The following RBFOX1 variants were observed in gnomAD, a reference collection of about 807,000 sequenced individuals.
RBFOX1 encodes RNA binding fox-1 homolog 1, also known as RNA binding protein fox-1 homolog 1.
A neutral mutation model predicts 57.7 loss-of-function variants in RBFOX1; 8 were observed. The ratio of observed to expected loss-of-function variants is 0.14; its 90% CI spans 0.08 to 0.25. The LOEUF is 0.25. Ranked by LOEUF, RBFOX1 falls within the 10% of genes least tolerant of loss-of-function variation. The pLI, the probability that RBFOX1 is intolerant of heterozygous loss-of-function variation, is 1.00. For missense variants in RBFOX1, 611 were observed against 548.5 expected (o/e 1.11, Z -1.14); for synonymous variants, 326 against 222.4 (o/e 1.47, Z -4.15).
At position 6,837,857 on chromosome 16, in the gene RBFOX1, G is replaced by A. The variant is rs571924146; in HGVS notation, c.-16+183207G>A. 7.9e-5 allele frequency among the ~76,000 whole-genome samples: 12 copies of A among 152,140 alleles called. No individual in the cohort carries two copies. The Middle Eastern group carries it at 0.017, about 216-fold the overall frequency. On this transcript the variant is annotated intron_variant, in intron 3 of 15. Coordinates refer to ENST00000550418, the MANE Select transcript of RBFOX1 (RefSeq NM_018723.4). ...ACTTCAGACCACATTGAAGACTGGC[G>A]GAAACTGAGAAGAGGCACTGAAAGC...
At chr16:5,394,557 C>T (rs1177608899) in intron 1 of RBFOX1, among the ~76,000 whole-genome samples, 5 of 143,800 alleles carry the variant, frequency 3.5e-5, no homozygotes, top group Non-Finnish European at 6.0e-5. Flanking sequence ...CTCTTCTTTT[C>T]TTTCTGTCTT....
chr16:7,530,015 A>AAAG (rs1472999951), intron 5 of RBFOX1, among the ~76,000 whole-genome samples: 1 of 151,600 alleles, frequency 6.6e-6, no homozygotes, highest in African/African-American at 2.4e-5. Flanking sequence ...TCTCAAAAAA[A>AAAG]AAAAAAAAAG....
rs1158685144 is a variant in RBFOX1, at chr16:6,351,366, A to ATT, written c.-64+34310_-64+34311insTT. Reference sequence around the variant, plus strand: ...TGTGTGTGTGTGTATATATATATATATATATATTTTTTTTTTTTTTTCTTG... The same window carrying ATT: ...TGTGTGTGTGTGTATATATATATATATTTATATATTTTTTTTTTTTTTTCTTG... On this transcript the variant is annotated intron_variant, in intron 2 of 15. Transcript: ENST00000550418. 1.9e-3 allele frequency among the ~76,000 whole-genome samples: 193 copies of ATT among 98,984 alleles called. 2 individuals carry two copies. Among genetic ancestry groups the ATT allele is most frequent in the African/African-American group, 2.5e-3 (51 of 20,614 alleles). 64.9% of individuals were successfully genotyped at this position (98,984 alleles called of 152,430 possible). A position where few individuals can be genotyped will look rare whatever the true frequency, so the allele number is the denominator to read the frequency against.
intron 3 of RBFOX1, among the ~76,000 whole-genome samples, chr16:6,744,143 G>A (rs1479135517): frequency 6.6e-6 from 1 of 151,910 alleles, no homozygotes; most frequent in Non-Finnish European, 1.5e-5. Flanking sequence ...GGATAAAGAA[G>A]GTAATTTCAC....
intron 2 of RBFOX1, among the ~76,000 whole-genome samples, chr16:6,480,967 A>C (rs1191706181): frequency 6.6e-6 from 1 of 152,154 alleles, no homozygotes; most frequent in Non-Finnish European, 1.5e-5. Context: ...CCACAACCCC[A>C]TCCTGTATCA....
intron 2 of RBFOX1, among the ~76,000 whole-genome samples, chr16:6,506,226 C>T (rs1165907782): frequency 1.3e-5 from 2 of 152,064 alleles, no homozygotes; most frequent in African/African-American, 4.8e-5. Context: ...AGGCAGAAGT[C>T]AGTGCTTCTG....
intron 3 of RBFOX1, among the ~76,000 whole-genome samples, chr16:5,632,956 T>TTTTTA (rs2048563852): frequency 1.3e-5 from 2 of 150,502 alleles, no homozygotes; most frequent in Non-Finnish European, 1.5e-5. Flanking sequence ...TTTTTTTTTT[T>TTTTTA]GAGGTGGAGT....
intron 3 of RBFOX1, among the ~76,000 whole-genome samples, chr16:6,880,942 A>C (rs909729321): frequency 1.3e-5 from 2 of 152,214 alleles, no homozygotes; most frequent in African/African-American, 4.8e-5. Flanking sequence ...ATGCTACATT[A>C]GGAGATTCAA....
chr16:6,520,229 A>T (rs983361976), intron 2 of RBFOX1, among the ~76,000 whole-genome samples: 2 of 152,212 alleles, frequency 1.3e-5, no homozygotes, highest in Non-Finnish European at 2.9e-5. Flanking sequence ...TAAAGAAAGG[A>T]TGTATTCAAA....
chr16:7,074,891 A>T (rs1178823748), intron 4 of RBFOX1, among the ~76,000 whole-genome samples: 1 of 152,180 alleles, frequency 6.6e-6, no homozygotes, highest in Admixed American at 6.5e-5. Flanking sequence ...AAGTTCTCTA[A>T]AGCCATCCCC....
intron 5 of RBFOX1, among the ~76,000 whole-genome samples, chr16:7,540,675 C>A (rs2082681435): frequency 6.6e-6 from 1 of 152,166 alleles, no homozygotes; most frequent in Non-Finnish European, 1.5e-5. Flanking sequence ...TCAGGCTTAA[C>A]CGTTAGTACT....
intron 4 of RBFOX1, among the ~76,000 whole-genome samples, chr16:7,279,978 C>T (rs1389795665): frequency 1.3e-5 from 2 of 152,220 alleles, no homozygotes; most frequent in Non-Finnish European, 1.5e-5. Flanking sequence ...GCCATATCAG[C>T]AGATGTTGCA....
intron 1 of RBFOX1, among the ~76,000 whole-genome samples, chr16:6,266,696 A>T (rs1243492663): frequency 6.6e-6 from 1 of 151,652 alleles, no homozygotes; most frequent in African/African-American, 2.4e-5. Context: ...CCTGGGTGAC[A>T]GTGCAAGACT....
intron 1 of RBFOX1, among the ~76,000 whole-genome samples, chr16:6,022,484 C>T (rs2095101747): frequency 6.6e-6 from 1 of 151,992 alleles, no homozygotes; most frequent in South Asian, 2.1e-4. Flanking sequence ...AGTTCAAGAC[C>T]AGCCTGGACA....
intron 2 of RBFOX1, among the ~76,000 whole-genome samples, chr16:6,506,624 A>ATTTTTTTTTTTTT (rs71145238): frequency 1.1e-4 from 11 of 98,452 alleles, no homozygotes; most frequent in African/African-American, 4.4e-4. Flanking sequence ...ACAGTAGCTA[A>ATTTTTTTTTTTTT]TTTTTTTTTT....
chr16:5,286,907 G>C (rs1418871986), intron 1 of RBFOX1, among the ~76,000 whole-genome samples: 2 of 152,190 alleles, frequency 1.3e-5, no homozygotes, highest in African/African-American at 4.8e-5. Flanking sequence ...TCTATAGTTT[G>C]CCAACCCTGT....
chr16:5,662,684 A>T (rs998080833), intron 3 of RBFOX1, among the ~76,000 whole-genome samples: 1 of 152,174 alleles, frequency 6.6e-6, no homozygotes, highest in Non-Finnish European at 1.5e-5. Flanking sequence ...AATTGTGTGG[A>T]ATTTTTTGAA....
chr16:6,991,131 C>G (rs1378581286), intron 3 of RBFOX1, among the ~76,000 whole-genome samples: 3 of 77,156 alleles, frequency 3.9e-5, no homozygotes, highest in East Asian at 5.0e-4. Context: ...ATAAAATTGT[C>G]TCTCCAAAAA....
At chr16:7,708,822 G>GTGTGTTTA (rs1555811522) in intron 14 of RBFOX1, among the ~76,000 whole-genome samples, 5 of 151,830 alleles carry the variant, frequency 3.3e-5, no homozygotes, top group African/African-American at 1.2e-4. Context: ...ATGTAAGTAC[G>GTGTGTTTA]TGTGTATATA....
Sources: allele counts gnomAD v4.1 joint callset (sites outside exome capture counted in the v4.1 genomes callset), GRCh38; gene constraint gnomAD v4.1.1; transcripts MANE v1.5; gene names NCBI Gene and HGNC (gene_info 2026-07-23, HGNC 2026-07-21).